DENND1A: variants seen among roughly 807,000 people sequenced by gnomAD.
DENND1A encodes DENN domain containing 1A.
In DENND1A, 51 loss-of-function variants were observed where a neutral mutation model predicts 113.7. The observed-to-expected ratio is 0.45, with a 90% CI of 0.36 to 0.57. The LOEUF (loss-of-function observed/expected upper bound fraction) is 0.57, where lower values mean the gene tolerates loss of function less well. Ranked by LOEUF, DENND1A falls within the 20% of genes least tolerant of loss-of-function variation. The pLI is 0.00. For missense variants in DENND1A, 1,258 were observed against 1,395.9 expected (o/e 0.90, Z 1.57); for synonymous variants, 565 against 570.8 (o/e 0.99, Z 0.14).
At position 123,381,188 on chromosome 9, in the gene DENND1A, G is replaced by A. The variant is rs1458943641; in HGVS notation, c.*244C>T. The A allele has an allele frequency of 3.5e-6, 2 of 568,994 alleles. No homozygotes were observed. The highest frequency in any genetic ancestry group is 2.1e-5 in the South Asian group (1 of 48,612). The allele number at this position is 568,994 out of a possible 1,614,324, so 35.2% of individuals were successfully genotyped here. A position where few individuals can be genotyped will look rare whatever the true frequency, so the allele number is the denominator to read the frequency against. Reference sequence around the variant, plus strand: ...AACCCAATCAAGGGTGCCGAGGAGAGGCAACCGCGGGGTGGGATGGGCACT... The same window carrying A: ...AACCCAATCAAGGGTGCCGAGGAGAAGCAACCGCGGGGTGGGATGGGCACT... On this transcript the variant is annotated 3_prime_UTR_variant, in exon 24 of 24. Transcript: ENST00000394215. This position sits in a 1 kb window ranked among gnomAD's most constrained non-coding sequence, Gnocchi z 4.7.
intron 10 of DENND1A, among the ~76,000 whole-genome samples, 200 bp from the exon 11 acceptor site, chr9:123,609,681 T>C (rs912690338): frequency 2.0e-5 from 3 of 152,184 alleles, no homozygotes; most frequent in African/African-American, 4.8e-5. Flanking sequence ...GTGGGCAGCA[T>C]TGGAAACAGC....
At chr9:123,400,128 A>T (rs1005423747) in intron 21 of DENND1A, 4 of 152,246 alleles carry the variant, frequency 2.6e-5, no homozygotes, top group Non-Finnish European at 4.4e-5. Flanking sequence ...ACTGAATATT[A>T]ACCAAGTAAT....
chr9:123,617,675 C>A (rs1395124006), intron 10 of DENND1A, among the ~76,000 whole-genome samples: 1 of 152,204 alleles, frequency 6.6e-6, no homozygotes, highest in Non-Finnish European at 1.5e-5. Context: ...TCAGGAAGGG[C>A]TCCGTGGCTA....
intron 13 of DENND1A, among the ~76,000 whole-genome samples, chr9:123,491,481 C>T (rs12003737): frequency 0.051 from 7,804 of 152,236 alleles, 649 homozygotes; most frequent in African/African-American, 0.18. Flanking sequence ...GGGGCCTTAC[C>T]TTGCACAGCT....
intron 13 of DENND1A, among the ~76,000 whole-genome samples, chr9:123,462,192 A>T (rs1043670126): frequency 6.6e-6 from 1 of 152,246 alleles, no homozygotes; most frequent in Non-Finnish European, 1.5e-5. Flanking sequence ...CTCACCTTGT[A>T]AGACAAAGGC....
chr9:123,382,495 G>T lies in DENND1A; in HGVS notation c.2150C>A (p.Ser717Tyr). 3 of 1,614,014 alleles carry T rather than the reference G, an allele frequency of 1.9e-6. No homozygotes were observed. The highest frequency in any genetic ancestry group is 2.5e-6 in the Non-Finnish European group (3 of 1,179,942). Residue 717 changes from serine (S) to tyrosine (Y), a missense_variant, in exon 24 of 24, where the codon TCC becomes TAC. Physicochemically the swap from Ser to Tyr is moderately radical, Grantham distance 144. Transcript: ENST00000394215. ...MAIPSKPPAA[S>Y]PEKPSALLGN... ...GAGCAGGGCTGAGGGCTTCTCAGGGGAGGCAGCTGGGGGCTTGCTGGGGAT... is the reference window on the plus strand; with the variant it reads ...GAGCAGGGCTGAGGGCTTCTCAGGGTAGGCAGCTGGGGGCTTGCTGGGGAT...
At chr9:123,522,319 T>A (rs1336823708) in intron 13 of DENND1A, among the ~76,000 whole-genome samples, 1 of 152,156 alleles carries the variant, frequency 6.6e-6, no homozygotes, top group Admixed American at 6.5e-5. Context: ...GCAAGGGAGC[T>A]GCACAATGCC....
intron 21 of DENND1A, among the ~76,000 whole-genome samples, chr9:123,402,241 T>TGCGC (rs71490807): frequency 7.8e-5 from 10 of 128,914 alleles, no homozygotes; most frequent in African/African-American, 1.1e-4. Flanking sequence ...AGCGCACACG[T>TGCGC]GCACACACAC....
intron 2 of DENND1A, among the ~76,000 whole-genome samples, chr9:123,800,931 C>A (rs1221467138): frequency 6.6e-6 from 1 of 152,144 alleles, no homozygotes; most frequent in East Asian, 1.9e-4. Flanking sequence ...ATCGTGTGTT[C>A]TAAACCACAA....
At chr9:123,407,308 A>C (rs2043945988) in intron 20 of DENND1A, among the ~76,000 whole-genome samples, 1 of 152,100 alleles carries the variant, frequency 6.6e-6, no homozygotes, top group African/African-American at 2.4e-5. Flanking sequence ...GGACAAAGCC[A>C]GACACAAAAT....
intron 2 of DENND1A, among the ~76,000 whole-genome samples, chr9:123,831,033 C>G (rs1447546570): frequency 6.6e-6 from 1 of 151,922 alleles, no homozygotes; most frequent in Non-Finnish European, 1.5e-5. Context: ...TATTTGCAGG[C>G]AACATGATTG....
At chr9:123,411,101 T>C (rs1348668051) in intron 20 of DENND1A, among the ~76,000 whole-genome samples, 1 of 151,818 alleles carries the variant, frequency 6.6e-6, no homozygotes, top group Admixed American at 6.6e-5. Flanking sequence ...TTTTTTTTTT[T>C]TTTCTTTTAA....
chr9:123,708,154 G>A (rs1030105044), intron 5 of DENND1A, among the ~76,000 whole-genome samples: 1 of 152,092 alleles, frequency 6.6e-6, no homozygotes, highest in Non-Finnish European at 1.5e-5. Flanking sequence ...AAAAAAAAGA[G>A]AAGAAAAAAT....
At chr9:123,589,842 G>A (rs756970728) in intron 11 of DENND1A, among the ~76,000 whole-genome samples, 4 of 152,174 alleles carry the variant, frequency 2.6e-5, no homozygotes, top group Non-Finnish European at 5.9e-5. Flanking sequence ...GGGAAAACCC[G>A]TAGTATGGGG....
intron 5 of DENND1A, among the ~76,000 whole-genome samples, chr9:123,731,598 A>G (rs928280464): frequency 6.6e-6 from 1 of 152,244 alleles, no homozygotes; most frequent in Non-Finnish European, 1.5e-5. Context: ...CTACAGGTAA[A>G]ACATAAAACT....
chr9:123,402,821 A>T (rs929066131), intron 21 of DENND1A, among the ~76,000 whole-genome samples: 1 of 152,092 alleles, frequency 6.6e-6, no homozygotes, highest in Non-Finnish European at 1.5e-5. Flanking sequence ...CATTCACTTC[A>T]TCTACCCCAC....
intron 5 of DENND1A, among the ~76,000 whole-genome samples, chr9:123,677,802 G>A (rs1427608441): frequency 6.6e-6 from 1 of 152,186 alleles, no homozygotes; most frequent in African/African-American, 2.4e-5. Context: ...AATGATGTCC[G>A]TCACTCCAGG....
intron 20 of DENND1A, among the ~76,000 whole-genome samples, chr9:123,408,400 G>A (rs2044051080): frequency 6.6e-6 from 1 of 152,222 alleles, no homozygotes; most frequent in African/African-American, 2.4e-5. Flanking sequence ...ATGCTTGGCA[G>A]TGTAAGTTCG....
At chr9:123,589,667 A>C (rs1175659361) in intron 11 of DENND1A, among the ~76,000 whole-genome samples, 6 of 151,680 alleles carry the variant, frequency 4.0e-5, no homozygotes, top group East Asian at 3.9e-4. Flanking sequence ...AAAAAAAAAA[A>C]AAAAAACTGA....
Sources: gnomAD v4.1 joint callset for allele counts (sites outside exome capture counted in the v4.1 genomes callset) on GRCh38, gnomAD v4.1.1 for gene constraint, Gnocchi (gnomAD v3.1) non-coding constraint, MANE v1.5 for transcripts, NCBI Gene and HGNC (gene_info 2026-07-23, HGNC 2026-07-21) for gene names.